Variants in FNDC3B observed in about 807,000 individuals in gnomAD.
FNDC3B encodes the protein fibronectin type III domain-containing protein 3B.
FNDC3B carries 12 observed loss-of-function variants against 151.5 expected under a neutral mutation model. The ratio of observed to expected loss-of-function variants is 0.08; its 90% CI spans 0.05 to 0.13. The LOEUF (loss-of-function observed/expected upper bound fraction) is 0.13, where lower values mean the gene tolerates loss of function less well. Among genes scored for constraint, FNDC3B ranks in the 10% least tolerant of loss-of-function variants. The probability of loss-of-function intolerance (pLI) is 1.00; values close to 1 mark genes in which losing one functional copy is unlikely to be tolerated. For synonymous variants in FNDC3B, 528 were observed against 549.0 expected (o/e 0.96, Z 0.54); for missense variants, 1,214 against 1,505.3 (o/e 0.81, Z 3.20).
intron 3 of FNDC3B, among the ~76,000 whole-genome samples, chr3:172,213,029 A>C (rs1725809056): frequency 6.6e-6 from 1 of 152,092 alleles, no homozygotes; most frequent in African/African-American, 2.4e-5. Flanking sequence ...TAGTTTACAC[A>C]CCAATCCATG....
At chr3:172,237,846 T>A (rs947515202) in intron 4 of FNDC3B, among the ~76,000 whole-genome samples, 15 of 152,254 alleles carry the variant, frequency 9.9e-5, no homozygotes, top group African/African-American at 3.4e-4. Flanking sequence ...AGAGGATATC[T>A]GTTATCAAGC....
intron 3 of FNDC3B, among the ~76,000 whole-genome samples, chr3:172,209,374 CT>C (rs1324563070): frequency 1.3e-5 from 2 of 152,150 alleles, no homozygotes; most frequent in Non-Finnish European, 2.9e-5. Context: ...TCGAGTTTTT[CT>C]TCCACATCCA....
chr3:172,080,749 C>T (rs935338098), intron 1 of FNDC3B, among the ~76,000 whole-genome samples: 3 of 152,144 alleles, frequency 2.0e-5, no homozygotes, highest in Non-Finnish European at 4.4e-5. Context: ...TAAAAACCTG[C>T]CAGGCCTCAG....
At chr3:172,378,491 G>C in intron 24 of FNDC3B, 55 bp downstream of exon 24, 1 of 1,439,442 alleles carries the variant, frequency 6.9e-7, no homozygotes, top group Non-Finnish European at 9.3e-7. Flanking sequence ...GAACTGTTGG[G>C]ACTTATAGAA....
At chr3:172,287,351 C>A (rs761886963) in intron 7 of FNDC3B, among the ~76,000 whole-genome samples, 14 of 152,066 alleles carry the variant, frequency 9.2e-5, no homozygotes, top group Admixed American at 3.9e-4. Context: ...ATACAGCGGG[C>A]GGTCGCAAAT....
intron 1 of FNDC3B, among the ~76,000 whole-genome samples, chr3:172,041,359 TTTTC>T (rs34854407): frequency 0.18 from 26,820 of 149,122 alleles, 2,643 homozygotes; most frequent in East Asian, 0.33. Flanking sequence ...TTAAAAATCG[TTTTC>T]TTTCTTTCTT....
Position 172,333,243 on chromosome 3 carries a change from T to C in FNDC3B, c.1641+68T>C, listed in dbSNP as rs1233589969. 16 of 1,005,194 alleles carry C rather than the reference T, an allele frequency of 1.6e-5. No individual in the cohort carries two copies. The Admixed American group carries it at 2.6e-4, about 16-fold the overall frequency. 62.3% of individuals were successfully genotyped at this position (1,005,194 alleles called of 1,614,324 possible). On this transcript the variant is annotated intron_variant, in intron 14 of 25. Coordinates refer to ENST00000415807, the MANE Select transcript of FNDC3B (RefSeq NM_022763.4). ...CTGTTTTCTATTTCACCATTTACCA[T>C]GTCAGATTGACTCTACAGGTTAAAA...
chr3:172,052,308 G>C (rs1242504543), intron 1 of FNDC3B, among the ~76,000 whole-genome samples: 3 of 151,986 alleles, frequency 2.0e-5, no homozygotes, highest in African/African-American at 7.2e-5. Context: ...GAAGTCTTGG[G>C]CTCAAGCGAT....
chr3:172,322,740 T>G (rs60637896), intron 11 of FNDC3B, among the ~76,000 whole-genome samples: 8,093 of 151,922 alleles, frequency 0.053, 734 homozygotes, highest in African/African-American at 0.18. Flanking sequence ...ACAGGGAGAG[T>G]GGGGGCAAAT....
At chr3:172,363,454 T>A (rs898170632) in intron 23 of FNDC3B, among the ~76,000 whole-genome samples, 4 of 152,120 alleles carry the variant, frequency 2.6e-5, no homozygotes, top group African/African-American at 9.7e-5. Context: ...AAATGTCCGA[T>A]CAGAAGACAG....
At chr3:172,160,842 T>G (rs890336697) in intron 3 of FNDC3B, among the ~76,000 whole-genome samples, 88 of 152,360 alleles carry the variant, frequency 5.8e-4, no homozygotes, top group African/African-American at 2.0e-3. Flanking sequence ...ATGGAAGGAA[T>G]TCCTATTTTT....
At chr3:172,202,568 C>T (rs1725212183) in intron 3 of FNDC3B, among the ~76,000 whole-genome samples, 1 of 152,188 alleles carries the variant, frequency 6.6e-6, no homozygotes, top group Admixed American at 6.5e-5. Context: ...AGTGGTTATT[C>T]CTAATTTTGT....
intron 25 of FNDC3B, among the ~76,000 whole-genome samples, chr3:172,385,708 G>A (rs964792753): frequency 5.3e-5 from 8 of 151,874 alleles, no homozygotes; most frequent in South Asian, 2.1e-4. Context: ...ACAGGCACCC[G>A]CCACCACACC....
chr3:172,175,422 C>A (rs1273904705), intron 3 of FNDC3B, among the ~76,000 whole-genome samples: 1 of 152,088 alleles, frequency 6.6e-6, no homozygotes, highest in South Asian at 2.1e-4. Flanking sequence ...CAGCAAAATG[C>A]TTACATATTC....
intron 8 of FNDC3B, among the ~76,000 whole-genome samples, chr3:172,298,483 T>C (rs1053262234): frequency 2.0e-5 from 3 of 152,250 alleles, no homozygotes; most frequent in Non-Finnish European, 4.4e-5. Flanking sequence ...TAAGATCTTT[T>C]AGAATTTTAT....
intron 1 of FNDC3B, among the ~76,000 whole-genome samples, chr3:172,079,850 T>G (rs985190188): frequency 6.6e-6 from 1 of 151,382 alleles, no homozygotes. Context: ...GATAGTGGAT[T>G]TTTGCACTGC....
chr3:172,312,583 C>T (rs1731567301), intron 11 of FNDC3B, among the ~76,000 whole-genome samples: 1 of 149,654 alleles, frequency 6.7e-6, no homozygotes, highest in African/African-American at 2.5e-5. Flanking sequence ...CGAGGTTCAC[C>T]AGTACAGAAA....
chr3:172,257,270 C>G (rs1331027935), intron 6 of FNDC3B, among the ~76,000 whole-genome samples: 2 of 152,174 alleles, frequency 1.3e-5, no homozygotes, highest in African/African-American at 2.4e-5. Context: ...TTGACTTTCA[C>G]TTTGTTCCTG....
chr3:172,122,123 T>C (rs1294245758), intron 2 of FNDC3B, among the ~76,000 whole-genome samples: 1 of 152,260 alleles, frequency 6.6e-6, no homozygotes, highest in South Asian at 2.1e-4. Flanking sequence ...ATCGTTTTCA[T>C]GTAGGCAGAC....
Sources: gnomAD v4.1 joint callset for allele counts (sites outside exome capture counted in the v4.1 genomes callset) on GRCh38, gnomAD v4.1.1 for gene constraint, MANE v1.5 for transcripts, NCBI Gene and HGNC (gene_info 2026-07-23, HGNC 2026-07-21) for gene names.